Variants in FBXL2 observed in about 807,000 individuals in gnomAD.
The protein encoded by FBXL2 is F-box/LRR-repeat protein 2.
FBXL2 carries 38 observed loss-of-function variants against 69.2 expected under a neutral mutation model. The observed-to-expected ratio is 0.55, with a 90% CI of 0.42 to 0.72. The LOEUF (loss-of-function observed/expected upper bound fraction) is 0.72. Among genes scored for constraint, FBXL2 ranks in the 30% least tolerant of loss-of-function variants. The probability of loss-of-function intolerance (pLI) is 0.00; values close to 1 mark genes in which losing one functional copy is unlikely to be tolerated. For missense variants in FBXL2, 354 were observed against 520.3 expected (o/e 0.68, Z 3.11); for synonymous variants, 192 against 201.3 (o/e 0.95, Z 0.39).
At chr3:33,333,710 C>T (rs1575229341) in intron 2 of FBXL2, among the ~76,000 whole-genome samples, 1 of 152,096 alleles carries the variant, frequency 6.6e-6, no homozygotes, top group South Asian at 2.1e-4. Context: ...TCACCCATGC[C>T]CTAGAGGCCC....
chr3:33,285,258 T>G (rs1321486046), intron 1 of FBXL2, among the ~76,000 whole-genome samples: 1 of 152,200 alleles, frequency 6.6e-6, no homozygotes, highest in Non-Finnish European at 1.5e-5. Context: ...TCTCTCAGCA[T>G]TTGTTTGTCT....
downstream of FBXL2, among the ~76,000 whole-genome samples, chr3:33,404,684 C>CG (rs1553674185): frequency 6.6e-6 from 1 of 151,954 alleles, no homozygotes; most frequent in Admixed American, 6.6e-5. Context: ...ACTCTAATGA[C>CG]TAAGTTTTTC....
intron 5 of FBXL2, 86 bp downstream of exon 5, chr3:33,364,805 T>G: frequency 6.1e-6 from 7 of 1,140,904 alleles, no homozygotes; most frequent in Non-Finnish European, 7.9e-6. Context: ...CATGCTCTTC[T>G]TCTGTTAAAA....
chr3:33,342,158 C>G (rs1194069484), intron 2 of FBXL2, among the ~76,000 whole-genome samples: 1 of 151,312 alleles, frequency 6.6e-6, no homozygotes, highest in South Asian at 2.1e-4. Flanking sequence ...GTGCCTGATA[C>G]TACGCCCGGC....
At chr3:33,384,805 C>G (rs1407357466) in intron 14 of FBXL2, among the ~76,000 whole-genome samples, 3 of 152,066 alleles carry the variant, frequency 2.0e-5, no homozygotes, top group African/African-American at 4.8e-5. Flanking sequence ...CTTTGGGAGG[C>G]CGAGGCGGGC....
chr3:33,300,304 T>C (rs1297869798), intron 2 of FBXL2, among the ~76,000 whole-genome samples: 1 of 152,218 alleles, frequency 6.6e-6, no homozygotes, highest in East Asian at 1.9e-4. Context: ...TCTATGGTAG[T>C]GTGATTTCTA....
chr3:33,408,629 C>G, downstream of FBXL2: 2 of 1,401,130 alleles, frequency 1.4e-6, no homozygotes, highest in South Asian at 1.4e-5. Flanking sequence ...GGAAGTTGGT[C>G]CTATATCTAA....
chr3:33,378,187 C>G (rs772552772), intron 12 of FBXL2, 40 bp downstream of exon 12: 1 of 1,597,126 alleles, frequency 6.3e-7, no homozygotes, highest in Non-Finnish European at 8.6e-7. Context: ...CAGCCTGCTC[C>G]TTAGTCATTG....
chr3:33,333,793 T>G (rs1176602816), intron 2 of FBXL2, among the ~76,000 whole-genome samples: 1 of 152,196 alleles, frequency 6.6e-6, no homozygotes, highest in Non-Finnish European at 1.5e-5. Context: ...GAGATTTCTC[T>G]AGAGAGAAAT....
downstream of FBXL2, among the ~76,000 whole-genome samples, chr3:33,404,053 G>C (rs2044344858): frequency 6.6e-6 from 1 of 152,148 alleles, no homozygotes; most frequent in Non-Finnish European, 1.5e-5. Context: ...TTGAGCCCAG[G>C]AGTTCAAGAC....
chr3:33,323,236 G>T (rs907370069), intron 2 of FBXL2, among the ~76,000 whole-genome samples: 2 of 151,956 alleles, frequency 1.3e-5, no homozygotes, highest in African/African-American at 2.4e-5. Context: ...CAGCTTCATG[G>T]TGCAGTTTTC....
chr3:33,360,882 C>T (rs2041563746), intron 4 of FBXL2, among the ~76,000 whole-genome samples: 1 of 149,056 alleles, frequency 6.7e-6, no homozygotes, highest in African/African-American at 2.5e-5. Context: ...GATGACTTTT[C>T]CAACCATACA....
chr3:33,369,307 C>A (rs1246974121), intron 5 of FBXL2, among the ~76,000 whole-genome samples: 2 of 152,164 alleles, frequency 1.3e-5, no homozygotes, highest in East Asian at 3.9e-4. Flanking sequence ...CCACCTCAGC[C>A]TCCCGAAGTG....
intron 2 of FBXL2, among the ~76,000 whole-genome samples, chr3:33,301,490 T>C (rs1243945288): frequency 1.3e-5 from 2 of 152,216 alleles, no homozygotes; most frequent in African/African-American, 4.8e-5. Flanking sequence ...TTCATCTCTC[T>C]GTTATCACTT....
At chr3:33,392,636 G>A (rs62252101), downstream of FBXL2, 204,665 of 1,588,604 alleles carry the variant, frequency 0.13, 14,922 homozygotes, top group Non-Finnish European at 0.15. Context: ...AAGTAAATGC[G>A]TAAGTACAAT....
intron 10 of FBXL2, among the ~76,000 whole-genome samples, chr3:33,376,216 A>C (rs2154050028): frequency 6.6e-6 from 1 of 152,292 alleles, no homozygotes. Context: ...ATAGATTATC[A>C]TTACCAGCTA....
intron 1 of FBXL2, 116 bp from the exon 2 acceptor site, chr3:33,297,548 C>T: frequency 1.6e-6 from 1 of 627,968 alleles, no homozygotes; most frequent in Non-Finnish European, 2.8e-6. Flanking sequence ...ATTAGTCACA[C>T]CCTATTTGTA....
At chr3:33,354,223 A>C (rs1341018063) in intron 2 of FBXL2, among the ~76,000 whole-genome samples, 1 of 151,868 alleles carries the variant, frequency 6.6e-6, no homozygotes, top group East Asian at 1.9e-4. Flanking sequence ...ATTTTAAATA[A>C]AAATTTTAGG....
intron 2 of FBXL2, among the ~76,000 whole-genome samples, chr3:33,339,390 A>G (rs992627718): frequency 6.6e-6 from 1 of 152,200 alleles, no homozygotes; most frequent in Admixed American, 6.5e-5. Flanking sequence ...AACTTAAAAC[A>G]GAACTACCAT....
Sources: gnomAD v4.1 joint callset for allele counts (sites outside exome capture counted in the v4.1 genomes callset) on GRCh38, gnomAD v4.1.1 for gene constraint, MANE v1.5 for transcripts, NCBI Gene and HGNC (gene_info 2026-07-23, HGNC 2026-07-21) for gene names.